CCDC93: variants seen among roughly 807,000 people sequenced by gnomAD.
The protein encoded by CCDC93 is coiled-coil domain-containing protein 93.
CCDC93 carries 61 observed loss-of-function variants against 108.2 expected under a neutral mutation model. The ratio of observed to expected loss-of-function variants is 0.56; its 90% CI spans 0.46 to 0.70. CCDC93 has a LOEUF of 0.70. Ranked by LOEUF, CCDC93 falls within the 30% of genes least tolerant of loss-of-function variation. The pLI is 0.00. For missense variants in CCDC93, 685 were observed against 764.2 expected, an observed-to-expected ratio of 0.90 and a Z score of 1.22; for synonymous variants, 276 against 260.4, an observed-to-expected ratio of 1.06 and a Z score of -0.58.
At chr2:117,973,160 AAT>A (rs1679818970) in intron 11 of CCDC93, among the ~76,000 whole-genome samples, 2 of 152,072 alleles carry the variant, frequency 1.3e-5, no homozygotes, top group South Asian at 4.1e-4. Flanking sequence ...ACTTCAGAAG[AAT>A]ATGTCACAGA....
At position 118,001,116 on chromosome 2, in the gene CCDC93, G is replaced by A. The variant is rs187760073; in HGVS notation, c.252-184C>T. ...AATAAGCACAATTTGGTGGTGTGTA[G>A]GTGTGTGGTCACAAAACTGCCTTCA... On this transcript the variant is annotated intron_variant, in intron 3 of 23. Transcript: ENST00000376300. The A allele has an allele frequency of 9.1e-3, 4,612 of 509,394 alleles. 65 individuals carry two copies. The highest frequency in any genetic ancestry group is 8.9e-3 in the Non-Finnish European group (2,562 of 286,270). The allele number at this position is 509,394 out of a possible 1,614,324, so 31.6% of individuals were successfully genotyped here. A position where few individuals can be genotyped will look rare whatever the true frequency, so the allele number is the denominator to read the frequency against.
intron 13 of CCDC93, among the ~76,000 whole-genome samples, chr2:117,952,171 G>C (rs1022063960): frequency 2.6e-5 from 4 of 151,768 alleles, no homozygotes; most frequent in African/African-American, 9.7e-5. Context: ...TAAGGGACTA[G>C]AATGTGCAGT....
intron 23 of CCDC93, among the ~76,000 whole-genome samples, chr2:117,928,270 T>C (rs534008061): frequency 2.6e-5 from 4 of 152,246 alleles, no homozygotes; most frequent in African/African-American, 7.2e-5. Context: ...TGGGATCTCA[T>C]TAAACTAAAG....
chr2:117,978,024 A>C lies in CCDC93; in HGVS notation c.627T>G (p.Tyr209Ter). The part of the protein sequence containing the change: ...HATLLEYGRR[Y>*]GFSRQSKMEK... ...CCATTTTGCTCTGGCGGCTAAATCC[A>C]TATCTCCTGCAGGCCACAAAAAAGG... is the stretch of plus-strand genomic sequence containing the variant. Residue 209 changes from tyrosine to a stop codon, truncating the protein, a stop_gained, in exon 8 of 24, where the codon TAT becomes TAG. Transcript: ENST00000376300. LOFTEE classifies it high-confidence loss of function. The C allele has an allele frequency of 6.2e-7, 1 of 1,613,870 alleles. No homozygotes were observed. The highest frequency in any genetic ancestry group is 8.5e-7 in the Non-Finnish European group (1 of 1,179,718).
At chr2:117,949,480 G>T in intron 13 of CCDC93, 85 bp from the exon 14 acceptor site, 2 of 974,164 alleles carry the variant, frequency 2.1e-6, no homozygotes, top group South Asian at 1.4e-5. Context: ...GGCAGATAAT[G>T]ACACTTTTTA....
chr2:117,949,660 C>T (rs981246962), intron 13 of CCDC93: 2 of 706,244 alleles, frequency 2.8e-6, no homozygotes, highest in African/African-American at 3.9e-5. Context: ...ACCCTTTGTA[C>T]TTTTTGAATT....
At chr2:117,994,836 A>G (rs140227569) in intron 6 of CCDC93, among the ~76,000 whole-genome samples, 2 of 152,360 alleles carry the variant, frequency 1.3e-5, no homozygotes, top group Non-Finnish European at 2.9e-5. Context: ...CTGTGCACAC[A>G]GGCACCTAGG....
At chr2:117,961,016 T>C (rs1391414202) in intron 11 of CCDC93, among the ~76,000 whole-genome samples, 1 of 152,172 alleles carries the variant, frequency 6.6e-6, no homozygotes, top group Non-Finnish European at 1.5e-5. Flanking sequence ...AGTCTTTAAC[T>C]GGGTCCTGAA....
intron 12 of CCDC93, among the ~76,000 whole-genome samples, chr2:117,955,970 T>C (rs956120224): frequency 2.0e-5 from 3 of 152,236 alleles, no homozygotes; most frequent in Non-Finnish European, 2.9e-5. Context: ...ATTTAATTTA[T>C]ATTCAGCTTA....
At chr2:117,952,113 C>A (rs536878119) in intron 13 of CCDC93, among the ~76,000 whole-genome samples, 3 of 152,138 alleles carry the variant, frequency 2.0e-5, no homozygotes, top group South Asian at 2.1e-4. Flanking sequence ...TCCCAGGAAG[C>A]CTTTCCTGAC....
At chr2:117,947,345 G>C (rs556648202) in intron 15 of CCDC93, among the ~76,000 whole-genome samples, 1 of 152,140 alleles carries the variant, frequency 6.6e-6, no homozygotes, top group South Asian at 2.1e-4. Flanking sequence ...TTCCTCCCCT[G>C]GAGCTCACAC....
chr2:117,927,826 AG>A (rs1678174927), intron 23 of CCDC93, among the ~76,000 whole-genome samples: 1 of 152,212 alleles, frequency 6.6e-6, no homozygotes, highest in Admixed American at 6.5e-5. Context: ...AAAAGAACAA[AG>A]CTGGAGGCAT....
intron 23 of CCDC93, among the ~76,000 whole-genome samples, chr2:117,920,884 TTCA>T (rs58623837): frequency 5.1e-4 from 77 of 152,238 alleles, no homozygotes; most frequent in African/African-American, 1.7e-3. Context: ...ATAAGAGATA[TTCA>T]TCAAGAGATA....
chr2:117,978,013 C>T lies in CCDC93; in HGVS notation c.638G>A (p.Arg213His), dbSNP rs138746784. ...LEYGRRYGFS[R>H]QSKMEKAEDK... is the part of the protein sequence containing the mutation. The stretch of plus-strand genomic sequence containing the variant: ...TCTTACCTTCTCCATTTTGCTCTGG[C>T]GGCTAAATCCATATCTCCTGCAGGC... Residue 213 changes from arginine to histidine, a missense_variant, in exon 8 of 24, where the codon CGC becomes CAC. Coordinates refer to ENST00000376300, the MANE Select transcript of CCDC93 (RefSeq NM_019044.5). 69 of 1,613,662 alleles carry T rather than the reference C, an allele frequency of 4.3e-5. No homozygotes were observed. Among genetic ancestry groups the T allele is most frequent in the Middle Eastern group, 1.6e-4 (1 of 6,084 alleles).
chr2:118,010,520 C>T (rs1419263410), intron 1 of CCDC93, among the ~76,000 whole-genome samples: 1 of 152,210 alleles, frequency 6.6e-6, no homozygotes, highest in Non-Finnish European at 1.5e-5. Flanking sequence ...CTTTACTATG[C>T]ATCTCACATT....
In CCDC93 at chr2:117,927,467, C is replaced by A. The variant is rs1010141523; in HGVS notation, c.1842+3570G>T. Among the ~76,000 whole-genome samples the A allele has an allele frequency of 7.9e-5, 12 of 151,284 alleles. No individual in the cohort carries two copies. The South Asian group carries it at 2.1e-3, about 26-fold the overall frequency. The stretch of plus-strand genomic sequence containing the variant: ...AAAAATCACAAGCATTCTTATACAC[C>A]AATAACAGACAGAGAGCCAAATCAT... On this transcript the variant is annotated intron_variant, in intron 23 of 23. Coordinates refer to ENST00000376300, the MANE Select transcript of CCDC93 (RefSeq NM_019044.5).
At chr2:117,940,473 G>C (rs1009064721) in intron 19 of CCDC93, among the ~76,000 whole-genome samples, 6 of 152,206 alleles carry the variant, frequency 3.9e-5, no homozygotes, top group Non-Finnish European at 8.8e-5. Flanking sequence ...ATCAGGAAAG[G>C]GGCCTCCAGG....
At chr2:117,930,853 G>A in intron 23 of CCDC93, 184 bp downstream of exon 23, 1 of 512,294 alleles carries the variant, frequency 2.0e-6, no homozygotes, top group Non-Finnish European at 3.5e-6. Flanking sequence ...CTCAAGATGG[G>A]CCACAGAAAA....
chr2:117,956,481 C>T (rs1679221488), intron 12 of CCDC93, among the ~76,000 whole-genome samples: 2 of 152,152 alleles, frequency 1.3e-5, no homozygotes, highest in South Asian at 4.1e-4. Context: ...TACTCTGGCT[C>T]CTGGAGTCCA....
Sources: gnomAD v4.1 joint callset for allele counts (sites outside exome capture counted in the v4.1 genomes callset) on GRCh38, gnomAD v4.1.1 for gene constraint, MANE v1.5 for transcripts, NCBI Gene and HGNC (gene_info 2026-07-23, HGNC 2026-07-21) for gene names.